The following CYB5A variants were observed in gnomAD, a reference collection of about 807,000 sequenced individuals.
CYB5A encodes cytochrome b5 type A.
In CYB5A, 10 loss-of-function variants were observed where a neutral mutation model predicts 16.2. The observed-to-expected ratio is 0.62, with a 90% CI of 0.38 to 1.04. CYB5A has a LOEUF of 1.04. CYB5A is among the 50% of genes least tolerant of loss of function. The pLI is 0.01. For synonymous variants in CYB5A, 62 were observed against 57.0 expected, an observed-to-expected ratio of 1.09 and a Z score of -0.40; for missense variants, 161 against 165.9, an observed-to-expected ratio of 0.97 and a Z score of 0.16.
intron 1 of CYB5A, among the ~76,000 whole-genome samples, chr18:74,285,182 T>C (rs549431593): frequency 6.6e-6 from 1 of 152,330 alleles, no homozygotes; most frequent in South Asian, 2.1e-4. Flanking sequence ...CTATGCAATG[T>C]AGGCAGCCAT....
rs1273357763 is a variant in CYB5A, at chr18:74,263,370, GA to G, written c.236del (p.Phe79SerfsTer14). Reference protein sequence around the residue: ...STDAREMSKTFIIGELHPDDR... With the variant: ...STDAREMSKTXIIGELHPDDR... The stretch of plus-strand genomic sequence containing the variant: ...TTACTGGATGGAGCTCCCCAATGAT[GA>G]ATGTTTTGGACATTTCCCTGGCATC... On this transcript the variant is annotated frameshift_variant, in exon 2 of 5. Transcript: ENST00000340533. LOFTEE classifies it high-confidence loss of function. 5 of 1,613,914 alleles carry G rather than the reference GA, an allele frequency of 3.1e-6. No individual in the cohort carries two copies. Among genetic ancestry groups the G allele is most frequent in the Non-Finnish European group, 3.4e-6 (4 of 1,179,970 alleles).
At chr18:74,264,978 C>G (rs1031584157) in intron 1 of CYB5A, among the ~76,000 whole-genome samples, 2 of 151,950 alleles carry the variant, frequency 1.3e-5, no homozygotes, top group Non-Finnish European at 2.9e-5. Context: ...TTTAACTGAG[C>G]TTGAATGTTA....
intron 1 of CYB5A, among the ~76,000 whole-genome samples, chr18:74,272,240 T>C (rs1045344505): frequency 2.6e-5 from 4 of 152,160 alleles, no homozygotes; most frequent in Non-Finnish European, 4.4e-5. Flanking sequence ...CACTTACCTA[T>C]TTAGGAAAGT....
intron 4 of CYB5A, among the ~76,000 whole-genome samples, chr18:74,254,585 T>C (rs1981897172): frequency 6.6e-6 from 1 of 151,766 alleles, no homozygotes; most frequent in African/African-American, 2.4e-5. Flanking sequence ...AGTGGCACGA[T>C]CTTGGCTCAC....
chr18:74,270,090 C>G (rs926278387), intron 1 of CYB5A, among the ~76,000 whole-genome samples: 2 of 152,064 alleles, frequency 1.3e-5, no homozygotes, highest in Non-Finnish European at 2.9e-5. Context: ...CATGGCCGCA[C>G]AGCCTCTGGC....
At chr18:74,274,012 C>T (rs1315262151) in intron 1 of CYB5A, among the ~76,000 whole-genome samples, 1 of 152,216 alleles carries the variant, frequency 6.6e-6, no homozygotes, top group African/African-American at 2.4e-5. Flanking sequence ...CGCCATTCTC[C>T]AGTTCCCAAA....
intron 1 of CYB5A, among the ~76,000 whole-genome samples, chr18:74,279,638 C>G (rs938554353): frequency 6.7e-6 from 1 of 149,792 alleles, no homozygotes; most frequent in African/African-American, 2.4e-5. Flanking sequence ...GTGGCATGTG[C>G]CCATCTCTCT....
chr18:74,291,109 C>A (rs1410237114), intron 1 of CYB5A: 1 of 166,562 alleles, frequency 6.0e-6, no homozygotes, highest in African/African-American at 2.4e-5. Flanking sequence ...CCGCGGGAAG[C>A]GCAGGCCCGG....
intron 1 of CYB5A, among the ~76,000 whole-genome samples, chr18:74,264,153 G>A (rs1982330668): frequency 6.6e-6 from 1 of 151,582 alleles, no homozygotes; most frequent in African/African-American, 2.4e-5. Context: ...CGAGGTTGCA[G>A]TGAGCTGAGA....
chr18:74,271,012 C>T (rs1982647999), intron 1 of CYB5A, among the ~76,000 whole-genome samples: 1 of 152,214 alleles, frequency 6.6e-6, no homozygotes. Flanking sequence ...ATAACCAGTT[C>T]AGTGGCTGAT....
rs925560404 is a variant in CYB5A, at chr18:74,254,943, G to C, written c.323+798C>G. Among the ~76,000 whole-genome samples, 3 of 152,272 alleles carry C rather than the reference G, an allele frequency of 2.0e-5. 1 individual carries two copies. The highest frequency in any genetic ancestry group is 6.8e-3 in the Middle Eastern group (2 of 292). On this transcript the variant is annotated intron_variant, in intron 4 of 4. Coordinates refer to ENST00000340533, the MANE Select transcript of CYB5A (RefSeq NM_148923.4). ...ACTTGGTATACATATGTGTTTCATA[G>C]GGACTACAAGTATAATCCTTTCATA...
chr18:74,276,688 TA>T (rs1982893947), intron 1 of CYB5A, among the ~76,000 whole-genome samples: 1 of 152,058 alleles, frequency 6.6e-6, no homozygotes, highest in Non-Finnish European at 1.5e-5. Context: ...AGGGTTTGCT[TA>T]ACCAAGCAAA....
intron 1 of CYB5A, among the ~76,000 whole-genome samples, chr18:74,276,112 G>A (rs1982865253): frequency 6.6e-6 from 1 of 152,122 alleles, no homozygotes; most frequent in Non-Finnish European, 1.5e-5. Context: ...CCAGGCAACT[G>A]ACCTGGAGAT....
chr18:74,267,563 G>A (rs377412209), intron 1 of CYB5A, among the ~76,000 whole-genome samples: 4 of 152,204 alleles, frequency 2.6e-5, no homozygotes, highest in African/African-American at 7.2e-5. Flanking sequence ...TAAACGTGTG[G>A]CAGCGGTGTT....
At chr18:74,259,520 A>G (rs1982115039) in intron 3 of CYB5A, 4 of 152,184 alleles carry the variant, frequency 2.6e-5, no homozygotes. Flanking sequence ...TTAAACTGAA[A>G]GTAGTTATGG....
intron 1 of CYB5A, among the ~76,000 whole-genome samples, chr18:74,291,348 CAG>C (rs1349413619): frequency 1.3e-5 from 2 of 151,632 alleles, no homozygotes; most frequent in African/African-American, 4.8e-5. Context: ...AGGGCGCTCC[CAG>C]GTGTGCACGC....
chr18:74,281,590 T>C (rs796639989), intron 1 of CYB5A, among the ~76,000 whole-genome samples: 1 of 152,208 alleles, frequency 6.6e-6, no homozygotes, highest in African/African-American at 2.4e-5. Context: ...TGGGAGACCT[T>C]GGCAAGAGAA....
intron 4 of CYB5A, among the ~76,000 whole-genome samples, chr18:74,254,530 T>C (rs1033383920): frequency 6.6e-6 from 1 of 152,020 alleles, no homozygotes; most frequent in Non-Finnish European, 1.5e-5. Flanking sequence ...AATCTTTTTT[T>C]TTTTTTTGAT....
In CYB5A at chr18:74,261,114, T is replaced by C. The variant is rs1022927765; in HGVS notation, c.259-170A>G. Reference sequence around the variant, plus strand: ...GATCCATCTGATTTAACAGCAAAAATTAGTAGCAGATTAAGTGCCAAGAGA... The same window carrying C: ...GATCCATCTGATTTAACAGCAAAAACTAGTAGCAGATTAAGTGCCAAGAGA... On this transcript the variant is annotated intron_variant, in intron 2 of 4. Coordinates refer to ENST00000340533, the MANE Select transcript of CYB5A (RefSeq NM_148923.4). 30 of 615,176 alleles carry C rather than the reference T, an allele frequency of 4.9e-5. 1 individual carries two copies. Among genetic ancestry groups the C allele is most frequent in the South Asian group, 3.3e-4 (19 of 57,264 alleles). 38.1% of individuals were successfully genotyped at this position (615,176 alleles called of 1,614,324 possible).
Sources: gnomAD v4.1 joint callset for allele counts (sites outside exome capture counted in the v4.1 genomes callset) on GRCh38, gnomAD v4.1.1 for gene constraint, MANE v1.5 for transcripts, NCBI Gene and HGNC (gene_info 2026-07-23, HGNC 2026-07-21) for gene names.